The following VWA3B variants were observed in gnomAD, a reference collection of about 807,000 sequenced individuals.
The protein encoded by VWA3B is von Willebrand factor A domain containing 3B.
In VWA3B, 138 loss-of-function variants were observed where a neutral mutation model predicts 158.3. That is an observed-to-expected ratio of 0.87 (90% CI 0.76 to 1.00). The LOEUF (loss-of-function observed/expected upper bound fraction) is 1.00, where lower values mean the gene tolerates loss of function less well. Ranked by LOEUF, VWA3B falls within the 50% of genes least tolerant of loss-of-function variation. VWA3B has a pLI of 0.00. For missense variants in VWA3B, 1,555 were observed against 1,565.1 expected (o/e 0.99, Z 0.11); for synonymous variants, 596 against 587.3 (o/e 1.01, Z -0.21).
chr2:98,209,138 T>A (rs953539462), intron 12 of VWA3B, among the ~76,000 whole-genome samples: 1 of 152,192 alleles, frequency 6.6e-6, no homozygotes, highest in South Asian at 2.1e-4. Context: ...TCAGCTTTTT[T>A]AGGATTTTTC....
intron 17 of VWA3B, 114 bp from the exon 18 acceptor site, chr2:98,236,275 TG>T: frequency 2.7e-6 from 3 of 1,116,650 alleles, no homozygotes; most frequent in Non-Finnish European, 3.9e-6. Context: ...CTCTGAAATG[TG>T]GTCCATTTAT....
chr2:98,257,002 C>T (rs1207639439), intron 21 of VWA3B, among the ~76,000 whole-genome samples: 2 of 152,060 alleles, frequency 1.3e-5, no homozygotes, highest in African/African-American at 4.8e-5. Context: ...TTATTGTTAA[C>T]TATGGTCTCC....
the VWA3B span, among the ~76,000 whole-genome samples, chr2:98,328,603 A>G: frequency 6.6e-6 from 1 of 152,188 alleles, no homozygotes; most frequent in Middle Eastern, 3.2e-3. Flanking sequence ...AATAGTGTCA[A>G]AAACCACAAA....
chr2:98,200,403 G>A (rs529660594), intron 12 of VWA3B, among the ~76,000 whole-genome samples: 33 of 152,190 alleles, frequency 2.2e-4, no homozygotes, highest in South Asian at 8.3e-4. Context: ...TAAGCCAGGC[G>A]TGGTGGCAGG....
chr2:98,128,415 A>C lies in VWA3B; in HGVS notation c.872+7A>C, dbSNP rs751578008. 6.2e-7 allele frequency: 1 copy of C among 1,611,690 alleles called. No homozygotes were observed. The highest frequency in any genetic ancestry group is 8.5e-7 in the Non-Finnish European group (1 of 1,178,612). ...GTGCCAAGACCCACAGCAGGTAGGC[A>C]GAAAATGTGCTCTTGAGTGACAGCA... On this transcript the variant is annotated splice_region_variant and intron_variant, in intron 6 of 27. Coordinates refer to ENST00000477737, the MANE Select transcript of VWA3B (RefSeq NM_144992.5).
At chr2:98,253,570 C>G (rs1686935701) in intron 20 of VWA3B, among the ~76,000 whole-genome samples, 1 of 152,154 alleles carries the variant, frequency 6.6e-6, no homozygotes, top group South Asian at 2.1e-4. Context: ...GGTCACAGCT[C>G]TCAGATCACA....
intron 19 of VWA3B, among the ~76,000 whole-genome samples, chr2:98,249,977 C>G (rs942872437): frequency 6.6e-6 from 1 of 152,172 alleles, no homozygotes; most frequent in African/African-American, 2.4e-5. Context: ...TTATTGCCCA[C>G]TCTTACCAAT....
rs1167798604 is a variant in VWA3B, at chr2:98,236,592, A to G, written c.2535A>G (p.Ser845=). 6.2e-7 allele frequency: 1 copy of G among 1,614,222 alleles called. No homozygotes were observed. Among genetic ancestry groups the G allele is most frequent in the Non-Finnish European group, 8.5e-7 (1 of 1,180,032 alleles). Reference sequence around the variant, plus strand: ...TTCTTAGTTCTTCAGATGTGTCTTCAGAAAACTGGCTGAAGACCTATGGCT... The same window carrying G: ...TTCTTAGTTCTTCAGATGTGTCTTCGGAAAACTGGCTGAAGACCTATGGCT... ...VYDHDSSDVS[S]ENWLKTYGLV... The change falls in exon 19 of 28, where the codon TCA becomes TCG. Residue 845 remains serine (S), a synonymous_variant. Transcript: ENST00000477737.
At chr2:98,267,535 T>A (rs367590752) in intron 21 of VWA3B, among the ~76,000 whole-genome samples, 3 of 151,952 alleles carry the variant, frequency 2.0e-5, no homozygotes, top group African/African-American at 7.3e-5. Flanking sequence ...GACGCATTCA[T>A]AGCAGTGTGT....
intron 19 of VWA3B, 184 bp downstream of exon 19, chr2:98,236,914 G>T: frequency 1.3e-6 from 1 of 748,740 alleles, no homozygotes; most frequent in South Asian, 2.0e-5. Context: ...GGTGGCGCAT[G>T]CCTGTAACCC....
chr2:98,229,933 T>A, intron 15 of VWA3B, 117 bp from the exon 16 acceptor site: 1 of 1,169,602 alleles, frequency 8.5e-7, no homozygotes, highest in Non-Finnish European at 1.2e-6. Flanking sequence ...GGGGGAAGGC[T>A]TACTTTTTAA....
At chr2:98,305,176 C>T (rs1690444669) in intron 26 of VWA3B, among the ~76,000 whole-genome samples, 1 of 152,166 alleles carries the variant, frequency 6.6e-6, no homozygotes, top group Admixed American at 6.5e-5. Flanking sequence ...TTATCCCTGC[C>T]TGACTTCACT....
intron 6 of VWA3B, among the ~76,000 whole-genome samples, chr2:98,133,097 G>A (rs2105046459): frequency 6.6e-6 from 1 of 152,274 alleles, no homozygotes; most frequent in South Asian, 2.1e-4. Context: ...GGCTTTGAGG[G>A]TGTGACTTAG....
intron 21 of VWA3B, among the ~76,000 whole-genome samples, chr2:98,267,847 G>C (rs1302260816): frequency 3.3e-5 from 5 of 151,660 alleles, no homozygotes; most frequent in African/African-American, 9.7e-5. Context: ...ATAAAAAATG[G>C]TAAGGGGGAT....
At chr2:98,255,284 G>A (rs1243442174) in intron 20 of VWA3B, among the ~76,000 whole-genome samples, 14 of 139,024 alleles carry the variant, frequency 1.0e-4, no homozygotes, top group Admixed American at 1.0e-3. Flanking sequence ...CGCCCGCCTC[G>A]GCCTCCCAAA....
intron 2 of VWA3B, among the ~76,000 whole-genome samples, chr2:98,094,895 G>A (rs1245189430): frequency 6.6e-6 from 1 of 152,114 alleles, no homozygotes; most frequent in Non-Finnish European, 1.5e-5. Context: ...CCCATTGTGT[G>A]TTCTTGGCAC....
intron 22 of VWA3B, among the ~76,000 whole-genome samples, chr2:98,280,866 T>C (rs1688837058): frequency 6.6e-6 from 1 of 152,212 alleles, no homozygotes; most frequent in Non-Finnish European, 1.5e-5. Context: ...CAGCTTTCCC[T>C]TGAGCCCCCG....
chr2:98,093,493 T>C (rs1443314414), intron 2 of VWA3B, among the ~76,000 whole-genome samples: 2 of 152,224 alleles, frequency 1.3e-5, no homozygotes, highest in Non-Finnish European at 2.9e-5. Flanking sequence ...TATTAAATAA[T>C]GCTTAATTTC....
At chr2:98,298,443 T>TATTCTATGCC (rs1409392020) in intron 24 of VWA3B, among the ~76,000 whole-genome samples, 43 of 121,662 alleles carry the variant, frequency 3.5e-4, no homozygotes, top group Non-Finnish European at 4.8e-4. Context: ...TATTCTATTC[T>TATTCTATGCC]ATGCCATGCC....
Sources: allele counts gnomAD v4.1 joint callset (sites outside exome capture counted in the v4.1 genomes callset), GRCh38; gene constraint gnomAD v4.1.1; transcripts MANE v1.5; gene names NCBI Gene and HGNC (gene_info 2026-07-23, HGNC 2026-07-21).